Variants in SEC14L3 observed in about 807,000 individuals in gnomAD.
SEC14L3 encodes the protein SEC14-like protein 3.
Under a neutral mutation model 57.4 loss-of-function variants are expected in SEC14L3, and 56 were observed. That is an observed-to-expected ratio of 0.97 (90% CI 0.79 to 1.22). SEC14L3 has a LOEUF of 1.22. Among genes scored for constraint, SEC14L3 ranks in the 50% most tolerant of loss-of-function variants. The pLI, the probability that SEC14L3 is intolerant of heterozygous loss-of-function variation, is 0.00. For synonymous variants in SEC14L3, 173 were observed against 194.4 expected (o/e 0.89, Z 0.92); for missense variants, 485 against 511.7 (o/e 0.95, Z 0.50).
At chr22:30,458,822 G>C (rs1328229462), downstream of SEC14L3, among the ~76,000 whole-genome samples, 1 of 148,410 alleles carries the variant, frequency 6.7e-6, no homozygotes, top group Non-Finnish European at 1.5e-5. Context: ...GACAACATGG[G>C]GAAACCCCAT....
chr22:30,457,494 T>C (rs909354794), downstream of SEC14L3, among the ~76,000 whole-genome samples: 4 of 151,232 alleles, frequency 2.6e-5, no homozygotes, highest in Admixed American at 6.6e-5. Context: ...GAGATTCTCA[T>C]GCCTCAGCCT....
chr22:30,467,338 T>G (rs1413276838), intron 5 of SEC14L3, among the ~76,000 whole-genome samples: 1 of 150,112 alleles, frequency 6.7e-6, no homozygotes, highest in Non-Finnish European at 1.5e-5. Context: ...CATCAATTAA[T>G]TGAACCATCC....
At chr22:30,471,283 AAAAAAGAAG>A (rs2146131106) in intron 1 of SEC14L3, 1 of 455,800 alleles carries the variant, frequency 2.2e-6, no homozygotes, top group East Asian at 7.0e-5. Flanking sequence ...TCCATCTCAA[AAAAAAGAAG>A]AAAAAGAAGA....
At chr22:30,454,778 A>T (rs1397858233), downstream of SEC14L3, among the ~76,000 whole-genome samples, 10 of 77,148 alleles carry the variant, frequency 1.3e-4, no homozygotes, top group East Asian at 8.9e-4. Flanking sequence ...ATAATATATT[A>T]TTATATATTA....
intron 8 of SEC14L3, among the ~76,000 whole-genome samples, chr22:30,463,488 G>T (rs1465791818): frequency 1.3e-5 from 2 of 152,190 alleles, no homozygotes; most frequent in African/African-American, 2.4e-5. Flanking sequence ...GACTGTGCTG[G>T]TAACCCACAC....
intron 11 of SEC14L3, among the ~76,000 whole-genome samples, chr22:30,460,913 A>G (rs1935235380): frequency 6.6e-6 from 1 of 151,760 alleles, no homozygotes; most frequent in Admixed American, 6.6e-5. Context: ...TCCTTCCCAG[A>G]TTGGTCAGAC....
chr22:30,452,699 C>CTCTT (rs201372162), intron 12 of SEC14L3, among the ~76,000 whole-genome samples: 103 of 149,610 alleles, frequency 6.9e-4, no homozygotes, highest in Middle Eastern at 3.4e-3. Flanking sequence ...AAAGCTCTTC[C>CTCTT]TCTTTCTTTC....
downstream of SEC14L3, among the ~76,000 whole-genome samples, chr22:30,455,237 T>TTATATATAATATATTATATA (rs1556005949): frequency 6.1e-4 from 75 of 122,330 alleles, no homozygotes; most frequent in Middle Eastern, 8.1e-3. Context: ...TATATAATAT[T>TTATATATAATATATTATATA]TAATATATTA....
At chr22:30,450,202 G>A (rs904797353) in intron 12 of SEC14L3, among the ~76,000 whole-genome samples, 7 of 152,144 alleles carry the variant, frequency 4.6e-5, no homozygotes, top group African/African-American at 1.7e-4. Context: ...AGTCCAGGAC[G>A]AGCCCTCTCA....
chr22:30,460,947 C>A (rs1169788362), intron 11 of SEC14L3, among the ~76,000 whole-genome samples: 1 of 152,162 alleles, frequency 6.6e-6, no homozygotes, highest in Non-Finnish European at 1.5e-5. Context: ...TATGTAGCTA[C>A]CCTGAGGCTC....
In SEC14L3 at chr22:30,470,032, C is replaced by A; in HGVS notation, c.221G>T (p.Trp74Leu). 1 of 1,574,108 alleles carries A rather than the reference C, an allele frequency of 6.4e-7. No homozygotes were observed. The change falls in exon 4 of 12, where the codon TGG becomes TTG. Residue 74 changes from tryptophan (W) to leucine (L), a missense_variant. Physicochemically the swap from Trp to Leu is moderately conservative, Grantham distance 61. Transcript: ENST00000215812. Reference protein sequence around the residue: ...KTMDIDHILDWQPPEVIQKYM... With the variant: ...KTMDIDHILDLQPPEVIQKYM... The stretch of plus-strand genomic sequence containing the variant: ...GTGTTGGCTCACCTCTGGGGGCTGC[C>A]AATCAAGGATATGGTCAATATCCAT...
downstream of SEC14L3, among the ~76,000 whole-genome samples, chr22:30,455,145 T>TATTTA (rs1569225691): frequency 4.2e-3 from 214 of 50,498 alleles, 1 homozygote; most frequent in African/African-American, 0.02. Flanking sequence ...TAATATTTAA[T>TATTTA]ATATATTATA....
chr22:30,457,292 C>T (rs1373944329), downstream of SEC14L3, among the ~76,000 whole-genome samples: 10 of 152,048 alleles, frequency 6.6e-5, no homozygotes, highest in Admixed American at 5.9e-4. Flanking sequence ...TCCATCTTCC[C>T]TCATTGGTAG....
chr22:30,470,500 C>A lies in SEC14L3; in HGVS notation c.130+7G>T. On this transcript the variant is annotated splice_region_variant and intron_variant, in intron 2 of 11. Coordinates refer to ENST00000215812, the MANE Select transcript of SEC14L3 (RefSeq NM_174975.5). ...CTGATCCCAACCTCTCCCACCTCTG[C>A]CCTCACCTCGGAGCCAGCGTAGAAG... The A allele has an allele frequency of 6.2e-7, 1 of 1,614,124 alleles. No individual in the cohort carries two copies. The highest frequency in any genetic ancestry group is 8.5e-7 in the Non-Finnish European group (1 of 1,180,028).
At chr22:30,470,281 G>A (rs371954592) in intron 2 of SEC14L3, 26 bp from the exon 3 acceptor site, 16 of 1,610,550 alleles carry the variant, frequency 9.9e-6, no homozygotes, top group African/African-American at 1.3e-5. Flanking sequence ...AGGAAGGTGT[G>A]AGACAGGAAA....
intron 4 of SEC14L3, 185 bp from the exon 5 acceptor site, chr22:30,468,881 G>A: frequency 6.5e-7 from 1 of 1,536,304 alleles, no homozygotes. Flanking sequence ...CTTGCTCACA[G>A]AGGGTAAATG....
chr22:30,461,683 G>A lies in SEC14L3; in HGVS notation c.783C>T (p.Gly261=), dbSNP rs1363422918. ...NPKCLTKINY[G]GEIPKSMYVR... ...CGTACATGGACTTGGGGATCTCCCC[G>A]CCATAGTTAATCTGCGGACATGGGA... The change falls in exon 10 of 12, where the codon GGC becomes GGT. Residue 261 remains glycine (G), a synonymous_variant. Transcript: ENST00000215812. 8.1e-6 allele frequency: 13 copies of A among 1,612,418 alleles called. No homozygotes were observed. Among genetic ancestry groups the A allele is most frequent in the East Asian group, 2.2e-5 (1 of 44,852 alleles).
intron 11 of SEC14L3, chr22:30,460,349 G>T: frequency 1.2e-6 from 1 of 852,374 alleles, no homozygotes; most frequent in Non-Finnish European, 1.4e-6. Flanking sequence ...CTTGGCATGT[G>T]CCCAGGCATG....
Position 30,460,186 on chromosome 22 carries a change from C to T in SEC14L3, c.1082-44G>A, listed in dbSNP as rs758250906. 1.9e-5 allele frequency: 30 copies of T among 1,601,964 alleles called. No individual in the cohort carries two copies. The South Asian group carries it at 2.7e-4, about 14-fold the overall frequency. On this transcript the variant is annotated intron_variant, in intron 11 of 11. Coordinates refer to ENST00000215812, the MANE Select transcript of SEC14L3 (RefSeq NM_174975.5). ...GAGGGGCATTGGGCTTGGCTTTACA[C>T]ACTCTTTTTTCCACCCCTGGCCATG...
Sources: gnomAD v4.1 joint callset for allele counts (sites outside exome capture counted in the v4.1 genomes callset) on GRCh38, gnomAD v4.1.1 for gene constraint, MANE v1.5 for transcripts, NCBI Gene and HGNC (gene_info 2026-07-23, HGNC 2026-07-21) for gene names.